TMX1: variants seen among roughly 807,000 people sequenced by gnomAD.
TMX1 encodes the protein thioredoxin-related transmembrane protein 1.
Under a neutral mutation model 36.6 loss-of-function variants are expected in TMX1, and 25 were observed. The observed-to-expected ratio is 0.68, with a 90% confidence interval of 0.50 to 0.95. The LOEUF is 0.95. TMX1 is among the 40% of genes least tolerant of loss of function. TMX1 has a pLI of 0.00. For synonymous variants in TMX1, 133 were observed against 118.0 expected, an observed-to-expected ratio of 1.13 and a Z score of -0.82; for missense variants, 347 against 339.6, an observed-to-expected ratio of 1.02 and a Z score of -0.17.
Position 51,240,319 on chromosome 14 carries a change from T to A in TMX1, c.27T>A (p.Val9=). Reference sequence around the variant, plus strand: ...TGGCGCCCTCCGGGAGTCTTGCAGTTCCCCTGGCAGTCCTGGTGCTGTTGC... The same window carrying A: ...TGGCGCCCTCCGGGAGTCTTGCAGTACCCCTGGCAGTCCTGGTGCTGTTGC... MAPSGSLA[V]PLAVLVLLLW... The change falls in exon 1 of 8, where the codon GTT becomes GTA. Residue 9 remains valine (V), a synonymous_variant. Transcript: ENST00000457354. 6.2e-7 allele frequency: 1 copy of A among 1,613,066 alleles called. No homozygotes were observed. Among genetic ancestry groups the A allele is most frequent in the Non-Finnish European group, 8.5e-7 (1 of 1,179,960 alleles).
chr14:51,245,495 T>G, intron 3 of TMX1, 137 bp downstream of exon 3: 1 of 1,537,008 alleles, frequency 6.5e-7, no homozygotes, highest in Non-Finnish European at 8.7e-7. Flanking sequence ...GAGGGCTTGT[T>G]TTGCTTAGTG....
chr14:51,254,326 G>C lies in TMX1; in HGVS notation c.665-15G>C. ...ATACATCAACAAAAATACATTTTTGGTCTTTGTCTTTAAGAAAAATTATTA... is the reference window on the plus strand; with the variant it reads ...ATACATCAACAAAAATACATTTTTGCTCTTTGTCTTTAAGAAAAATTATTA... On this transcript the variant is annotated splice_polypyrimidine_tract_variant and intron_variant, in intron 7 of 7. Coordinates refer to ENST00000457354, the MANE Select transcript of TMX1 (RefSeq NM_030755.5). The C allele has an allele frequency of 6.4e-7, 1 of 1,574,030 alleles. No individual in the cohort carries two copies. Among genetic ancestry groups the C allele is most frequent in the Non-Finnish European group, 8.6e-7 (1 of 1,166,592 alleles).
In TMX1 at chr14:51,257,422, G is replaced by T. The variant is rs1337006299; in HGVS notation, c.*2903G>T. 6.6e-6 allele frequency: 1 copy of T among 152,130 alleles called. No homozygotes were observed. Among genetic ancestry groups the T allele is most frequent in the Non-Finnish European group, 1.5e-5 (1 of 68,036 alleles). The allele number at this position is 152,130 out of a possible 1,614,324, so 9.4% of individuals were successfully genotyped here. A position where few individuals can be genotyped will look rare whatever the true frequency, so the allele number is the denominator to read the frequency against. On this transcript the variant is annotated 3_prime_UTR_variant, in exon 8 of 8. Transcript: ENST00000457354. Reference sequence around the variant, plus strand: ...ATCCCCATGGTCAATTTAAGGTAGAGTTCTTACAATATATTACTTTCAATA... The same window carrying T: ...ATCCCCATGGTCAATTTAAGGTAGATTTCTTACAATATATTACTTTCAATA...
At position 51,240,318 on chromosome 14, in the gene TMX1, T is replaced by A. The variant is rs1288010087; in HGVS notation, c.26T>A (p.Val9Asp). Reference sequence around the variant, plus strand: ...ATGGCGCCCTCCGGGAGTCTTGCAGTTCCCCTGGCAGTCCTGGTGCTGTTG... The same window carrying A: ...ATGGCGCCCTCCGGGAGTCTTGCAGATCCCCTGGCAGTCCTGGTGCTGTTG... MAPSGSLA[V>D]PLAVLVLLLW... Residue 9 changes from valine to aspartate, a missense_variant, in exon 1 of 8, where the codon GTT becomes GAT. Transcript: ENST00000457354. The A allele has an allele frequency of 1.2e-6, 2 of 1,612,950 alleles. No homozygotes were observed. The highest frequency in any genetic ancestry group is 1.7e-6 in the Non-Finnish European group (2 of 1,179,928).
rs1336417326 is a variant in TMX1 at position 51,254,449 on chromosome 14, A to G, written c.773A>G (p.Asn258Ser). ...GAAGCTGAAAGTAAAGAAGGAACAA[A>G]CAAAGACTTTCCACAGAATGCCATA... ...EEEAESKEGT[N>S]KDFPQNAIRQ... Residue 258 changes from asparagine to serine, a missense_variant, in exon 8 of 8, where the codon AAC becomes AGC. Coordinates refer to ENST00000457354, the MANE Select transcript of TMX1 (RefSeq NM_030755.5). 1 of 1,612,308 alleles carries G rather than the reference A, an allele frequency of 6.2e-7. No homozygotes were observed. Among genetic ancestry groups the G allele is most frequent in the East Asian group, 2.2e-5 (1 of 44,716 alleles).
intron 4 of TMX1, among the ~76,000 whole-genome samples, chr14:51,248,578 G>T (rs372390935): frequency 6.6e-6 from 1 of 152,150 alleles, no homozygotes; most frequent in African/African-American, 2.4e-5. Flanking sequence ...ATACCTTTCT[G>T]TGTCGAACTA....
At position 51,249,513 on chromosome 14, in the gene TMX1, G is replaced by T; in HGVS notation, c.535G>T (p.Gly179Ter). ...FIEDLGLPVW[G>*]SYTVFALATL... is the part of the protein sequence containing the mutation. ...TGAAGACCTTGGATTGCCAGTGTGG[G>T]GATCATATACTGTTTTTGCTTTAGC... The change falls in exon 6 of 8, where the codon GGA becomes TGA. Residue 179 changes from glycine to a stop codon, truncating the protein, a stop_gained. Transcript: ENST00000457354. LOFTEE classifies it high-confidence loss of function. 2 of 1,613,426 alleles carry T rather than the reference G, an allele frequency of 1.2e-6. No homozygotes were observed. The highest frequency in any genetic ancestry group is 1.7e-6 in the Non-Finnish European group (2 of 1,179,746).
chr14:51,246,938 TG>T lies in TMX1; in HGVS notation c.315-153del, dbSNP rs201404517. On this transcript the variant is annotated intron_variant, in intron 3 of 7. Transcript: ENST00000457354. ...TGTTAAATTGGGGGCTAAAATGTCA[TG>T]AGTAGGTAAATAGTATAATTTGCTA... Among the ~76,000 whole-genome samples, 1,215 of 152,344 alleles carry T rather than the reference TG, an allele frequency of 8.0e-3. 16 individuals carry two copies. The highest frequency in any genetic ancestry group is 0.027 in the African/African-American group (1,140 of 41,572).
intron 1 of TMX1, among the ~76,000 whole-genome samples, chr14:51,240,725 C>G (rs762177031): frequency 6.6e-6 from 1 of 152,204 alleles, no homozygotes; most frequent in Non-Finnish European, 1.5e-5. Context: ...CGAATTCTGA[C>G]ATTTTTCATG....
At chr14:51,245,866 A>G (rs1250589633) in intron 3 of TMX1, 1 of 198,886 alleles carries the variant, frequency 5.0e-6, no homozygotes, top group Non-Finnish European at 1.0e-5. Flanking sequence ...GGGTAGAGTA[A>G]TAGGTGACAG....
At position 51,249,378 on chromosome 14, in the gene TMX1, A is replaced by G. The variant is rs748170088; in HGVS notation, c.489+7A>G. On this transcript the variant is annotated splice_region_variant and intron_variant, in intron 5 of 7. Coordinates refer to ENST00000457354, the MANE Select transcript of TMX1 (RefSeq NM_030755.5). Reference sequence around the variant, plus strand: ...GCTATCTATGTGGATCAGGGTATGGACTAAAATATTTTTATCTTAAACATT... The same window carrying G: ...GCTATCTATGTGGATCAGGGTATGGGCTAAAATATTTTTATCTTAAACATT... 6.2e-7 allele frequency: 1 copy of G among 1,604,264 alleles called. No individual in the cohort carries two copies. Among genetic ancestry groups the G allele is most frequent in the East Asian group, 2.2e-5 (1 of 44,770 alleles).
chr14:51,248,178 C>T (rs2065795414), intron 4 of TMX1, among the ~76,000 whole-genome samples: 1 of 152,178 alleles, frequency 6.6e-6, no homozygotes, highest in Non-Finnish European at 1.5e-5. Flanking sequence ...TTGGAAGTAG[C>T]AAGCATGCTT....
chr14:51,254,629 C>G lies in TMX1; in HGVS notation c.*110C>G. 4 of 944,614 alleles carry G rather than the reference C, an allele frequency of 4.2e-6. No individual in the cohort carries two copies. Among genetic ancestry groups the G allele is most frequent in the Non-Finnish European group, 6.2e-6 (4 of 644,670 alleles). 58.5% of individuals were successfully genotyped at this position (944,614 alleles called of 1,614,324 possible). A position where few individuals can be genotyped will look rare whatever the true frequency, so the allele number is the denominator to read the frequency against. On this transcript the variant is annotated 3_prime_UTR_variant, in exon 8 of 8. Coordinates refer to ENST00000457354, the MANE Select transcript of TMX1 (RefSeq NM_030755.5). ...TTTTTTGAATATTGCAGGGTTCAGT[C>G]TAGATTGTCATTAAATTGAAGAGTC...
intron 4 of TMX1, 120 bp downstream of exon 4, chr14:51,247,340 A>G: frequency 1.5e-6 from 1 of 666,050 alleles, no homozygotes; most frequent in Non-Finnish European, 2.1e-6. Flanking sequence ...ATCCACATTT[A>G]TTACATGTTT....
In TMX1 at chr14:51,255,413, T is replaced by C. The variant is rs949435726; in HGVS notation, c.*894T>C. 3 of 151,746 alleles carry C rather than the reference T, an allele frequency of 2.0e-5. No homozygotes were observed. The highest frequency in any genetic ancestry group is 6.6e-5 in the Admixed American group (1 of 15,246). 9.4% of individuals were successfully genotyped at this position (151,746 alleles called of 1,614,324 possible). A position where few individuals can be genotyped will look rare whatever the true frequency, so the allele number is the denominator to read the frequency against. On this transcript the variant is annotated 3_prime_UTR_variant, in exon 8 of 8. Transcript: ENST00000457354. ...AAATTGTTTTTTTTTTTTTTTCTTT[T>C]TGGATGTGAAGGTGAACATTCCTGA...
intron 1 of TMX1, 22 bp downstream of exon 1, chr14:51,240,466 T>C: frequency 6.2e-7 from 1 of 1,610,100 alleles, no homozygotes; most frequent in Non-Finnish European, 8.5e-7. Context: ...GCGGCCAGGG[T>C]CCTACGTCCG....
intron 2 of TMX1, among the ~76,000 whole-genome samples, chr14:51,244,610 A>G (rs966760731): frequency 2.6e-4 from 39 of 151,410 alleles, no homozygotes; most frequent in African/African-American, 9.5e-4. Flanking sequence ...GACCAATCTC[A>G]TCTTACCGTT....
chr14:51,240,455 G>C lies in TMX1; in HGVS notation c.152+11G>C, dbSNP rs1435615864. 1 of 1,612,522 alleles carries C rather than the reference G, an allele frequency of 6.2e-7. No individual in the cohort carries two copies. Among genetic ancestry groups the C allele is most frequent in the Non-Finnish European group, 8.5e-7 (1 of 1,179,328 alleles). On this transcript the variant is annotated intron_variant, in intron 1 of 7. Transcript: ENST00000457354. The stretch of plus-strand genomic sequence containing the variant: ...CTGGATGATAGAATTGTGAGTGCGG[G>C]GCGGCCAGGGTCCTACGTCCGTGCC...
At chr14:51,240,865 T>G (rs2065757616) in intron 1 of TMX1, among the ~76,000 whole-genome samples, 1 of 152,194 alleles carries the variant, frequency 6.6e-6, no homozygotes, top group African/African-American at 2.4e-5. Context: ...GAGCAAAATT[T>G]CTCCTCTCGT....
Sources: allele counts gnomAD v4.1 joint callset (sites outside exome capture counted in the v4.1 genomes callset), GRCh38; gene constraint gnomAD v4.1.1; transcripts MANE v1.5; gene names NCBI Gene and HGNC (gene_info 2026-07-23, HGNC 2026-07-21).